VWF: variants seen among roughly 807,000 people sequenced by gnomAD.
VWF encodes the protein Factor VIII related antigen.
VWF carries 176 observed loss-of-function variants against 308.6 expected under a neutral mutation model. The observed-to-expected ratio is 0.57, with a 90% CI of 0.50 to 0.65. The LOEUF is 0.65. Ranked by LOEUF, VWF falls within the 30% of genes least tolerant of loss-of-function variation. VWF has a pLI of 0.00. For synonymous variants in VWF, 1,385 were observed against 1,443.4 expected (o/e 0.96, Z 0.92); for missense variants, 3,146 against 3,648.2 (o/e 0.86, Z 3.55).
chr12:6,092,714 G>C (rs1220548462), intron 6 of VWF, among the ~76,000 whole-genome samples: 1 of 149,914 alleles, frequency 6.7e-6, no homozygotes, highest in African/African-American at 2.5e-5. Flanking sequence ...ACCAACCACG[G>C]AATGGTTCTG....
intron 42 of VWF, among the ~76,000 whole-genome samples, chr12:5,979,945 G>A (rs1234963094): frequency 1.3e-5 from 2 of 149,782 alleles, no homozygotes; most frequent in African/African-American, 4.9e-5. Context: ...GGAGGCTGAG[G>A]TAGGAGAATG....
chr12:6,044,676 G>C (rs71582892), intron 17 of VWF, among the ~76,000 whole-genome samples: 103 of 152,246 alleles, frequency 6.8e-4, no homozygotes, highest in Admixed American at 1.3e-3. Context: ...CAGCTCTTCT[G>C]ACCCCAGCTC....
At position 6,117,881 on chromosome 12, in the gene VWF, G is replaced by GA. The variant is rs548192729; in HGVS notation, c.220+3292dup. 1.2e-4 allele frequency among the ~76,000 whole-genome samples: 19 copies of GA among 152,356 alleles called. 1 individual carries two copies. The South Asian group carries it at 3.9e-3, about 32-fold the overall frequency. Reference sequence around the variant, plus strand: ...AACTGCCCTCGGAACACTCAGTGAAGAGGGAGAGCAGAGGAGAACACGGGT... The same window carrying GA: ...AACTGCCCTCGGAACACTCAGTGAAGAAGGGAGAGCAGAGGAGAACACGGGT... On this transcript the variant is annotated intron_variant, in intron 3 of 51. Transcript: ENST00000261405.
Position 5,951,857 on chromosome 12 carries a change from G to A in VWF, c.8142C>T (p.Thr2714=). 6.2e-7 allele frequency: 1 copy of A among 1,614,206 alleles called. No homozygotes were observed. Among genetic ancestry groups the A allele is most frequent in the Non-Finnish European group, 8.5e-7 (1 of 1,180,032 alleles). The change falls in exon 50 of 52, where the codon ACC becomes ACT. Residue 2714 remains threonine (T), a synonymous_variant. Transcript: ENST00000261405. ...TAACGCACTCACATGTGTCACAGCA[G>A]GTGCCTGGAATTTTCATAATTTTAC... ...EGGKIMKIPG[T]CCDTCEEPEC...
At chr12:6,030,235 C>T (rs1241882963) in intron 21 of VWF, among the ~76,000 whole-genome samples, 1 of 152,218 alleles carries the variant, frequency 6.6e-6, no homozygotes, top group Admixed American at 6.5e-5. Context: ...GCAAATCTAT[C>T]CCTCACATGT....
intron 28 of VWF, among the ~76,000 whole-genome samples, 156 bp from the exon 29 acceptor site, chr12:6,017,026 T>C (rs543819671): frequency 6.6e-6 from 1 of 152,254 alleles, no homozygotes; most frequent in African/African-American, 2.4e-5. Context: ...AAGGGCAATG[T>C]GGGCCAGGGA....
Position 6,103,503 on chromosome 12 carries a change from C to CGT in VWF, c.532+6869_532+6870dup, listed in dbSNP as rs374509927. On this transcript the variant is annotated intron_variant, in intron 5 of 51. Coordinates refer to ENST00000261405, the MANE Select transcript of VWF (RefSeq NM_000552.5). ...ATATACATATATGTGTATACACACA[C>CGT]GTATATATATACACACATATGTGTA... 1.7e-3 allele frequency among the ~76,000 whole-genome samples: 212 copies of CGT among 121,354 alleles called. 12 individuals are homozygous for CGT. Among genetic ancestry groups the CGT allele is most frequent in the Middle Eastern group, 4.5e-3 (1 of 224 alleles). 79.6% of individuals were successfully genotyped at this position (121,354 alleles called of 152,430 possible).
intron 16 of VWF, among the ~76,000 whole-genome samples, chr12:6,050,955 CA>C (rs375016497): frequency 0.028 from 3,641 of 132,126 alleles, 144 homozygotes; most frequent in African/African-American, 0.094. Context: ...AATTCAGTCT[CA>C]AAAAAAAAAA....
rs71064187 is a variant in VWF at position 6,092,614 on chromosome 12, T to TGAGTGAGAGAGAGAGAGAGAGAGAGA, written c.657+2845_657+2846insTCTCTCTCTCTCTCTCTCTCTCACTC. On this transcript the variant is annotated intron_variant, in intron 6 of 51. Coordinates refer to ENST00000261405, the MANE Select transcript of VWF (RefSeq NM_000552.5). ...CATGCCCAGCTAGTTAGTGAGTGAGTGAGAGTGTGTGTGTGTGTGTGTGTG... is the reference window on the plus strand; with the variant it reads ...CATGCCCAGCTAGTTAGTGAGTGAGTGAGTGAGAGAGAGAGAGAGAGAGAGAGAGAGTGTGTGTGTGTGTGTGTGTG... Among the ~76,000 whole-genome samples, 94 of 86,068 alleles carry TGAGTGAGAGAGAGAGAGAGAGAGAGA rather than the reference T, an allele frequency of 1.1e-3. 2 individuals are homozygous for TGAGTGAGAGAGAGAGAGAGAGAGAGA. The highest frequency in any genetic ancestry group is 3.6e-3 in the African/African-American group (62 of 17,264). The allele number at this position is 86,068 out of a possible 152,430, so 56.5% of individuals were successfully genotyped here. A position where few individuals can be genotyped will look rare whatever the true frequency, so the allele number is the denominator to read the frequency against.
intron 6 of VWF, among the ~76,000 whole-genome samples, chr12:6,079,172 C>T (rs370422737): frequency 2.0e-4 from 30 of 152,330 alleles, no homozygotes; most frequent in African/African-American, 6.5e-4. Flanking sequence ...GAGAGCCAGG[C>T]AGGACTTGCA....
At chr12:6,103,183 C>T (rs1031642146) in intron 5 of VWF, among the ~76,000 whole-genome samples, 3 of 151,788 alleles carry the variant, frequency 2.0e-5, no homozygotes, top group Non-Finnish European at 4.4e-5. Flanking sequence ...AAAAAATTAG[C>T]CGGGTGTGGT....
rs556754842 is a variant in VWF at position 5,958,097 on chromosome 12, T to C, written c.7888-4503A>G. Among the ~76,000 whole-genome samples, 17 of 151,370 alleles carry C rather than the reference T, an allele frequency of 1.1e-4. No individual in the cohort carries two copies. The South Asian group carries it at 2.9e-3, about 26-fold the overall frequency. ...CAGTGAAAAGGCCAATAAAGAGATA[T>C]AGTACTAAAAAAAAGAAAAAAAAGA... On this transcript the variant is annotated intron_variant, in intron 47 of 51. Coordinates refer to ENST00000261405, the MANE Select transcript of VWF (RefSeq NM_000552.5).
At chr12:5,953,398 C>A (rs1199524115) in intron 48 of VWF, 98 bp downstream of exon 48, 5 of 919,592 alleles carry the variant, frequency 5.4e-6, no homozygotes, top group Non-Finnish European at 7.2e-6. Flanking sequence ...GAAGCCAATA[C>A]TGAACCAAAC....
intron 6 of VWF, 130 bp downstream of exon 6, chr12:6,095,330 G>C: frequency 7.0e-7 from 1 of 1,434,630 alleles, no homozygotes; most frequent in Non-Finnish European, 9.8e-7. Flanking sequence ...GCCACAGTTA[G>C]TTTTGGAGGA....
intron 18 of VWF, among the ~76,000 whole-genome samples, 196 bp from the exon 19 acceptor site, chr12:6,036,687 G>A (rs952750204): frequency 6.6e-6 from 1 of 152,234 alleles, no homozygotes; most frequent in Non-Finnish European, 1.5e-5. Flanking sequence ...CCTATGCCCA[G>A]GCCAGGGCTT....
chr12:6,041,658 G>A (rs183356), intron 18 of VWF, among the ~76,000 whole-genome samples: 134,968 of 151,762 alleles, frequency 0.89, 60,097 homozygotes, highest in Middle Eastern at 0.92. Flanking sequence ...CCGTGTTACC[G>A]GGATGGTCTC....
chr12:6,040,540 G>A (rs11064003), intron 18 of VWF, among the ~76,000 whole-genome samples: 49,936 of 152,048 alleles, frequency 0.33, 9,413 homozygotes, highest in African/African-American at 0.51. Context: ...CTGCAAGCCA[G>A]TTTTACAGAT....
chr12:6,102,554 G>A (rs1242510719), intron 5 of VWF, among the ~76,000 whole-genome samples: 1 of 152,062 alleles, frequency 6.6e-6, no homozygotes, highest in Non-Finnish European at 1.5e-5. Context: ...GGCCAACACG[G>A]TGAAACCCCG....
At position 6,062,969 on chromosome 12, in the gene VWF, C is replaced by T; in HGVS notation, c.1518G>A (p.Gly506=). 3 of 1,612,932 alleles carry T rather than the reference C, an allele frequency of 1.9e-6. No homozygotes were observed. Among genetic ancestry groups the T allele is most frequent in the South Asian group, 1.1e-5 (1 of 91,048 alleles). Residue 506 remains glycine (G), a synonymous_variant, in exon 13 of 52, where the codon GGG becomes GGA. Transcript: ENST00000261405. The stretch of plus-strand genomic sequence containing the variant: ...GGGCACCTACCTTCACCAGCAGCCT[C>T]CCGCGGCCATCCCAGTCCATCTGCA... ...EDLQMDWDGR[G]RLLVKLSPVY...
Sources: allele counts gnomAD v4.1 joint callset (sites outside exome capture counted in the v4.1 genomes callset), GRCh38; gene constraint gnomAD v4.1.1; transcripts MANE v1.5; gene names NCBI Gene and HGNC (gene_info 2026-07-23, HGNC 2026-07-21).